WNT2: variants seen among roughly 807,000 people sequenced by gnomAD.
WNT2 encodes the protein Wnt family member 2.
WNT2 carries 12 observed loss-of-function variants against 36.9 expected under a neutral mutation model. That is an observed-to-expected ratio of 0.33 (90% CI 0.21 to 0.53). The LOEUF is 0.53. WNT2 is among the 20% of genes least tolerant of loss of function. WNT2 has a pLI of 0.95. For synonymous variants in WNT2, 163 were observed against 174.6 expected (o/e 0.93, Z 0.52); for missense variants, 379 against 473.1 (o/e 0.80, Z 1.84).
At chr7:117,313,422 C>T (rs1459131884) in intron 3 of WNT2, among the ~76,000 whole-genome samples, 1 of 152,156 alleles carries the variant, frequency 6.6e-6, no homozygotes, top group Non-Finnish European at 1.5e-5. Context: ...GGCCTGACAG[C>T]TGTTCACCTC....
Position 117,323,040 on chromosome 7 carries a change from G to T in WNT2, c.-51C>A. On this transcript the variant is annotated 5_prime_UTR_variant, in exon 1 of 5. Transcript: ENST00000265441. ...GTCAGACTCCGTGTGCGGGCGCCAT[G>T]CGTGCCCAGAGCAGAAGCGCTCAGC... is the stretch of plus-strand genomic sequence containing the variant. The T allele has an allele frequency of 6.5e-7, 1 of 1,531,260 alleles. No individual in the cohort carries two copies. 94.9% of individuals were successfully genotyped at this position (1,531,260 alleles called of 1,614,324 possible). A position where few individuals can be genotyped will look rare whatever the true frequency, so the allele number is the denominator to read the frequency against.
At chr7:117,287,973 G>A (rs949509438) in intron 4 of WNT2, among the ~76,000 whole-genome samples, 6 of 152,024 alleles carry the variant, frequency 3.9e-5, no homozygotes, top group Non-Finnish European at 7.4e-5. Context: ...AGGTGACAGA[G>A]CAAGACTCCG....
At chr7:117,288,580 C>T (rs1468371236) in intron 4 of WNT2, among the ~76,000 whole-genome samples, 3 of 152,042 alleles carry the variant, frequency 2.0e-5, no homozygotes, top group Non-Finnish European at 2.9e-5. Context: ...ATTGGTAATT[C>T]GAAATGAGTA....
chr7:117,313,022 G>GA (rs1241466160), intron 3 of WNT2, among the ~76,000 whole-genome samples: 2 of 152,110 alleles, frequency 1.3e-5, no homozygotes, highest in Admixed American at 6.6e-5. Flanking sequence ...CAAAGAAGAA[G>GA]AAAAAAAGTG....
Position 117,320,628 on chromosome 7 carries a change from G to T in WNT2, c.249C>A (p.His83Gln), listed in dbSNP as rs767219391. The T allele has an allele frequency of 9.3e-6, 15 of 1,614,024 alleles. No individual in the cohort carries two copies. The highest frequency in any genetic ancestry group is 1.7e-5 in the Admixed American group (1 of 60,022). The part of the protein sequence containing the change: ...TAECQHQFRQ[H>Q]RWNCNTLDRD... Reference sequence around the variant, plus strand: ...TGTCCAGGGTGTTGCAATTCCAGCGGTGCTGGCGGAACTGGTGCTGGCATT... The same window carrying T: ...TGTCCAGGGTGTTGCAATTCCAGCGTTGCTGGCGGAACTGGTGCTGGCATT... The change falls in exon 2 of 5, where the codon CAC (histidine) becomes CAA (glutamine). Residue 83 changes from histidine (H) to glutamine (Q), a missense_variant. Transcript: ENST00000265441.
intron 2 of WNT2, among the ~76,000 whole-genome samples, 172 bp from the exon 3 acceptor site, chr7:117,315,520 T>C (rs1795200333): frequency 1.3e-5 from 2 of 152,234 alleles, no homozygotes; most frequent in Non-Finnish European, 2.9e-5. Flanking sequence ...TTCTTTAATA[T>C]GAACCATCTC....
chr7:117,317,133 T>G (rs994054746), intron 2 of WNT2, among the ~76,000 whole-genome samples: 2 of 152,206 alleles, frequency 1.3e-5, no homozygotes, highest in Non-Finnish European at 2.9e-5. Context: ...AGCACTAGTC[T>G]TATTTTTTAA....
intron 3 of WNT2, 144 bp from the exon 4 acceptor site, chr7:117,298,020 T>C (rs1794827610): frequency 3.3e-6 from 4 of 1,210,014 alleles, no homozygotes; most frequent in Non-Finnish European, 3.4e-6. Flanking sequence ...AAGCATTGCT[T>C]GTCACTTGTT....
At chr7:117,298,868 T>C (rs1336990891) in intron 3 of WNT2, among the ~76,000 whole-genome samples, 1 of 152,198 alleles carries the variant, frequency 6.6e-6, no homozygotes, top group Non-Finnish European at 1.5e-5. Flanking sequence ...GAACCAGGGA[T>C]GGGGAAGGCA....
intron 2 of WNT2, 110 bp from the exon 3 acceptor site, chr7:117,315,458 G>T: frequency 8.7e-7 from 1 of 1,144,200 alleles, no homozygotes; most frequent in Non-Finnish European, 1.2e-6. Flanking sequence ...TTTGCCACTA[G>T]ACAACAAGGT....
At chr7:117,279,215 A>G (rs566078580) in intron 4 of WNT2, among the ~76,000 whole-genome samples, 2 of 152,304 alleles carry the variant, frequency 1.3e-5, no homozygotes, top group African/African-American at 4.8e-5. Context: ...CCTTTTATTC[A>G]TTTACTCTAT....
chr7:117,306,734 C>T (rs748926378), intron 3 of WNT2, among the ~76,000 whole-genome samples: 33 of 152,188 alleles, frequency 2.2e-4, no homozygotes, highest in Non-Finnish European at 3.2e-4. Flanking sequence ...TCCCCATGTG[C>T]CTTAATCCCA....
chr7:117,301,975 T>C (rs1006988090), intron 3 of WNT2, among the ~76,000 whole-genome samples: 1 of 151,832 alleles, frequency 6.6e-6, no homozygotes, highest in African/African-American at 2.4e-5. Flanking sequence ...GCCTTGCTAT[T>C]TTTTTGTATT....
chr7:117,280,748 T>C (rs758477124), intron 4 of WNT2, among the ~76,000 whole-genome samples: 2 of 152,242 alleles, frequency 1.3e-5, no homozygotes, highest in Admixed American at 6.5e-5. Flanking sequence ...TCTTTCATCA[T>C]AGAGCTTTTG....
At chr7:117,301,740 T>C (rs1471216356) in intron 3 of WNT2, among the ~76,000 whole-genome samples, 3 of 152,122 alleles carry the variant, frequency 2.0e-5, no homozygotes, top group Non-Finnish European at 4.4e-5. Context: ...ATAAATCACA[T>C]TGTGATTTTG....
chr7:117,290,600 A>T (rs1794671102), intron 4 of WNT2, among the ~76,000 whole-genome samples: 1 of 152,266 alleles, frequency 6.6e-6, no homozygotes, highest in East Asian at 1.9e-4. Flanking sequence ...GAAGGAGATG[A>T]ATAACTTATT....
In WNT2 at chr7:117,315,068, T is replaced by C. The variant is rs1795190510; in HGVS notation, c.588+3A>G. On this transcript the variant is annotated splice_donor_region_variant and intron_variant, in intron 3 of 4. Transcript: ENST00000265441. ...CAAAATGAGCACCGTTGCATTTCCA[T>C]ACCTTCCTGCCAGCTCTGTTGTTGT... The C allele has an allele frequency of 3.1e-6, 5 of 1,613,750 alleles. No homozygotes were observed. Among genetic ancestry groups the C allele is most frequent in the Non-Finnish European group, 4.2e-6 (5 of 1,179,750 alleles).
intron 3 of WNT2, among the ~76,000 whole-genome samples, chr7:117,301,909 G>A (rs1794913395): frequency 6.7e-6 from 1 of 148,952 alleles, no homozygotes; most frequent in South Asian, 2.1e-4. Flanking sequence ...CCAGGTTCAA[G>A]CGATTCTCCT....
chr7:117,298,579 T>G (rs555536542), intron 3 of WNT2, among the ~76,000 whole-genome samples: 1 of 152,160 alleles, frequency 6.6e-6, no homozygotes, highest in African/African-American at 2.4e-5. Flanking sequence ...CAAAGGAAAC[T>G]GGGACAAGCT....
Sources: allele counts gnomAD v4.1 joint callset (sites outside exome capture counted in the v4.1 genomes callset), GRCh38; gene constraint gnomAD v4.1.1; transcripts MANE v1.5; gene names NCBI Gene and HGNC (gene_info 2026-07-23, HGNC 2026-07-21).